The following C8orf34 variants were observed in gnomAD, a reference collection of about 807,000 sequenced individuals.
The protein encoded by C8orf34 is chromosome 8 open reading frame 34.
C8orf34 carries 65 observed loss-of-function variants against 68.3 expected under a neutral mutation model. The observed-to-expected ratio is 0.95, with a 90% CI of 0.78 to 1.17. The LOEUF (loss-of-function observed/expected upper bound fraction) is 1.17, where lower values mean the gene tolerates loss of function less well. Ranked by LOEUF, C8orf34 falls within the 50% of genes most tolerant of loss-of-function variation. C8orf34 has a pLI of 0.00. For missense variants in C8orf34, 664 were observed against 655.4 expected (o/e 1.01, Z -0.14); for synonymous variants, 244 against 241.2 (o/e 1.01, Z -0.11).
At chr8:68,602,417 A>G (rs1817725360) in intron 7 of C8orf34, among the ~76,000 whole-genome samples, 1 of 152,186 alleles carries the variant, frequency 6.6e-6, no homozygotes, top group Non-Finnish European at 1.5e-5. Context: ...GGAAGCAAAC[A>G]CATCCATCTT....
chr8:68,755,043 C>A (rs530915734), intron 10 of C8orf34, among the ~76,000 whole-genome samples: 1 of 152,256 alleles, frequency 6.6e-6, no homozygotes, highest in Non-Finnish European at 1.5e-5. Flanking sequence ...ACAACTAGGA[C>A]ACATTTTTTT....
At chr8:68,354,260 T>C (rs1465987107) in intron 1 of C8orf34, among the ~76,000 whole-genome samples, 2 of 152,194 alleles carry the variant, frequency 1.3e-5, no homozygotes, top group African/African-American at 4.8e-5. Context: ...GAACTCACTG[T>C]TGTAGAAAAC....
chr8:68,417,871 A>G (rs1809747034), intron 1 of C8orf34, among the ~76,000 whole-genome samples: 1 of 151,828 alleles, frequency 6.6e-6, no homozygotes. Context: ...TTGAATCTGT[A>G]AATTACCTTG....
At chr8:68,444,699 A>T (rs1295886314) in intron 2 of C8orf34, among the ~76,000 whole-genome samples, 1 of 152,174 alleles carries the variant, frequency 6.6e-6, no homozygotes, top group Admixed American at 6.6e-5. Context: ...TTGATGCATG[A>T]CTTACTATCT....
intron 10 of C8orf34, among the ~76,000 whole-genome samples, chr8:68,744,605 G>A (rs1257152476): frequency 6.6e-5 from 10 of 152,188 alleles, no homozygotes; most frequent in South Asian, 2.1e-4. Context: ...CTCAGGAGCC[G>A]ATGCGATCAA....
chr8:68,737,624 A>G (rs72666799), intron 10 of C8orf34, among the ~76,000 whole-genome samples: 28,086 of 151,888 alleles, frequency 0.18, 2,844 homozygotes, highest in Middle Eastern at 0.3. Flanking sequence ...TAGCAACCTT[A>G]CTTTCAGACG....
chr8:68,612,506 G>A (rs576310257), intron 7 of C8orf34, among the ~76,000 whole-genome samples: 133 of 152,134 alleles, frequency 8.7e-4, no homozygotes, highest in African/African-American at 3.1e-3. Context: ...AAAACCTTTT[G>A]ATTGATTATT....
At chr8:68,695,249 C>T (rs530727112) in intron 8 of C8orf34, among the ~76,000 whole-genome samples, 86 of 151,854 alleles carry the variant, frequency 5.7e-4, no homozygotes, top group African/African-American at 1.9e-3. Context: ...TGGATTCAAC[C>T]GATTCTCCTG....
At chr8:68,770,441 A>G (rs1823306892) in intron 10 of C8orf34, among the ~76,000 whole-genome samples, 1 of 152,266 alleles carries the variant, frequency 6.6e-6, no homozygotes, top group African/African-American at 2.4e-5. Flanking sequence ...GTTCAATGGT[A>G]AATGGATCTT....
At chr8:68,662,185 TG>T (rs1819699848) in intron 8 of C8orf34, among the ~76,000 whole-genome samples, 1 of 152,162 alleles carries the variant, frequency 6.6e-6, no homozygotes, top group Admixed American at 6.5e-5. Flanking sequence ...AAACAAAAGT[TG>T]TTTTGTTATG....
intron 7 of C8orf34, among the ~76,000 whole-genome samples, chr8:68,539,291 T>C (rs1320478651): frequency 6.6e-6 from 1 of 152,230 alleles, no homozygotes; most frequent in African/African-American, 2.4e-5. Flanking sequence ...GTTTAAATTT[T>C]GTACTCTATT....
At chr8:68,754,548 G>A (rs1321059847) in intron 10 of C8orf34, among the ~76,000 whole-genome samples, 3 of 152,184 alleles carry the variant, frequency 2.0e-5, no homozygotes, top group Non-Finnish European at 4.4e-5. Flanking sequence ...ATTTCCCTGG[G>A]CCTTGAATAA....
At chr8:68,725,373 A>G (rs937080660) in intron 10 of C8orf34, among the ~76,000 whole-genome samples, 2 of 152,156 alleles carry the variant, frequency 1.3e-5, no homozygotes, top group Admixed American at 1.3e-4. Context: ...ACTGGTCATC[A>G]TTTCTTACTT....
chr8:68,546,506 T>TA (rs894411158), intron 7 of C8orf34, among the ~76,000 whole-genome samples: 12 of 148,326 alleles, frequency 8.1e-5, no homozygotes, highest in African/African-American at 2.2e-4. Context: ...CTGACAAAAC[T>TA]AAAAAAAAAG....
intron 10 of C8orf34, among the ~76,000 whole-genome samples, chr8:68,721,980 A>G (rs930890986): frequency 3.9e-5 from 6 of 152,084 alleles, no homozygotes; most frequent in Non-Finnish European, 5.9e-5. Flanking sequence ...AGCTAATGCA[A>G]TCGCTTTATC....
chr8:68,352,448 AAAC>A (rs1443109981), intron 1 of C8orf34, among the ~76,000 whole-genome samples: 3 of 152,018 alleles, frequency 2.0e-5, no homozygotes, highest in Non-Finnish European at 4.4e-5. Context: ...GACATTTGCT[AAAC>A]AATAATTTTT....
chr8:68,614,238 T>C (rs1407103765), intron 7 of C8orf34, among the ~76,000 whole-genome samples: 2 of 152,058 alleles, frequency 1.3e-5, no homozygotes, highest in African/African-American at 4.8e-5. Flanking sequence ...ATTTTGTAGG[T>C]TGCCTGTTCA....
At chr8:68,781,510 A>G (rs1335775657) in intron 11 of C8orf34, among the ~76,000 whole-genome samples, 1 of 152,232 alleles carries the variant, frequency 6.6e-6, no homozygotes, top group Non-Finnish European at 1.5e-5. Flanking sequence ...ACACTCAGAT[A>G]CAGTTTAATA....
intron 5 of C8orf34, among the ~76,000 whole-genome samples, chr8:68,509,311 T>C (rs991680956): frequency 6.6e-6 from 1 of 152,118 alleles, no homozygotes; most frequent in Non-Finnish European, 1.5e-5. Flanking sequence ...AACTGGGTTA[T>C]TAGAAAGCAT....
Sources: allele counts gnomAD v4.1 joint callset (sites outside exome capture counted in the v4.1 genomes callset), GRCh38; gene constraint gnomAD v4.1.1; transcripts MANE v1.5; gene names NCBI Gene and HGNC (gene_info 2026-07-23, HGNC 2026-07-21).